The following CSMD1 variants were observed in gnomAD, a reference collection of about 807,000 sequenced individuals.
CSMD1 encodes CUB and sushi domain-containing protein 1.
Under a neutral mutation model 417.5 loss-of-function variants are expected in CSMD1, and 213 were observed. The ratio of observed to expected loss-of-function variants is 0.51; its 90% CI spans 0.46 to 0.57. The LOEUF (loss-of-function observed/expected upper bound fraction) is 0.57. CSMD1 is among the 20% of genes least tolerant of loss of function. The probability of loss-of-function intolerance (pLI) is 0.00; values close to 1 mark genes in which losing one functional copy is unlikely to be tolerated. For missense variants in CSMD1, 6,923 were observed against 4,529.7 expected (o/e 1.53, Z -15.17); for synonymous variants, 2,862 against 1,736.8 (o/e 1.65, Z -16.11).
chr8:4,446,516 C>T (rs1455966075), intron 2 of CSMD1, among the ~76,000 whole-genome samples: 2 of 152,160 alleles, frequency 1.3e-5, no homozygotes, highest in Admixed American at 6.5e-5. Flanking sequence ...CACTGCACTC[C>T]AGCCTGGGCA....
chr8:3,527,221 A>G lies in CSMD1; in HGVS notation c.1345-33495T>C, dbSNP rs143229267. Among the ~76,000 whole-genome samples, 743 of 152,264 alleles carry G rather than the reference A, an allele frequency of 4.9e-3. 5 individuals carry two copies. The highest frequency in any genetic ancestry group is 0.017 in the African/African-American group (709 of 41,542). On this transcript the variant is annotated intron_variant, in intron 10 of 69. Transcript: ENST00000635120. Reference sequence around the variant, plus strand: ...TTATTTTTATTTTCCACTACTCAGAACCAAATGTTAATTGGCTCCTAATTG... The same window carrying G: ...TTATTTTTATTTTCCACTACTCAGAGCCAAATGTTAATTGGCTCCTAATTG...
intron 1 of CSMD1, among the ~76,000 whole-genome samples, chr8:4,910,757 C>G (rs188993059): frequency 1.9e-4 from 29 of 152,258 alleles, no homozygotes; most frequent in Admixed American, 5.9e-4. Context: ...TATATATTGT[C>G]TCACCCCAAC....
chr8:3,619,351 G>T (rs926245439), intron 7 of CSMD1, among the ~76,000 whole-genome samples: 6 of 150,698 alleles, frequency 4.0e-5, no homozygotes, highest in African/African-American at 1.5e-4. Flanking sequence ...CAAACATGGA[G>T]CACGGTAGTT....
intron 11 of CSMD1, among the ~76,000 whole-genome samples, chr8:3,482,201 A>T (rs1283355816): frequency 1.3e-5 from 2 of 152,234 alleles, no homozygotes; most frequent in African/African-American, 4.8e-5. Context: ...CCTTAAATAT[A>T]AATGGTCTAG....
At chr8:3,817,637 A>G (rs1019346652) in intron 5 of CSMD1, among the ~76,000 whole-genome samples, 1 of 152,048 alleles carries the variant, frequency 6.6e-6, no homozygotes, top group African/African-American at 2.4e-5. Context: ...GCATTTTAGG[A>G]AAACACTCCC....
intron 30 of CSMD1, among the ~76,000 whole-genome samples, chr8:3,212,682 T>A (rs577878750): frequency 6.6e-6 from 1 of 152,220 alleles, no homozygotes; most frequent in Non-Finnish European, 1.5e-5. Flanking sequence ...CAGTCTCTAC[T>A]GCTGGGTCCA....
At chr8:4,267,579 T>C (rs921733187) in intron 3 of CSMD1, among the ~76,000 whole-genome samples, 1 of 151,964 alleles carries the variant, frequency 6.6e-6, no homozygotes, top group African/African-American at 2.4e-5. Flanking sequence ...ACACAATAAG[T>C]GACACATTCT....
intron 3 of CSMD1, among the ~76,000 whole-genome samples, chr8:4,357,017 C>T (rs1055355889): frequency 6.6e-6 from 1 of 152,154 alleles, no homozygotes; most frequent in South Asian, 2.1e-4. Context: ...ATTTCAATTG[C>T]TATAAAATTC....
intron 5 of CSMD1, among the ~76,000 whole-genome samples, chr8:3,852,519 A>T (rs1276252406): frequency 6.6e-6 from 1 of 152,210 alleles, no homozygotes; most frequent in Non-Finnish European, 1.5e-5. Flanking sequence ...GATAAATTCC[A>T]GAAAACATAG....
chr8:3,564,985 G>T (rs1473317313), intron 10 of CSMD1, among the ~76,000 whole-genome samples: 1 of 142,288 alleles, frequency 7.0e-6, no homozygotes, highest in African/African-American at 2.7e-5. Flanking sequence ...AAGGAATGCT[G>T]GGCTTAATAC....
intron 5 of CSMD1, among the ~76,000 whole-genome samples, chr8:3,812,506 A>C (rs1429055391): frequency 1.3e-5 from 2 of 152,212 alleles, no homozygotes; most frequent in Non-Finnish European, 2.9e-5. Context: ...CACAACACTG[A>C]AAAACAGTTT....
chr8:3,501,169 C>A (rs984592148), intron 10 of CSMD1, among the ~76,000 whole-genome samples: 7 of 152,150 alleles, frequency 4.6e-5, no homozygotes, highest in Non-Finnish European at 1.0e-4. Flanking sequence ...TCTCCTGATT[C>A]AGTTAAACCA....
chr8:3,983,806 C>G (rs1814093307), intron 5 of CSMD1, among the ~76,000 whole-genome samples: 3 of 152,184 alleles, frequency 2.0e-5, no homozygotes, highest in East Asian at 3.9e-4. Context: ...ATGGGGCTGT[C>G]AAATGCAGCT....
At chr8:4,248,551 C>T (rs558081609) in intron 3 of CSMD1, among the ~76,000 whole-genome samples, 3 of 152,192 alleles carry the variant, frequency 2.0e-5, no homozygotes, top group African/African-American at 7.2e-5. Flanking sequence ...TAGACACATT[C>T]TATTTCTCTT....
intron 1 of CSMD1, among the ~76,000 whole-genome samples, chr8:4,678,363 A>G (rs996585462): frequency 2.0e-4 from 31 of 152,266 alleles, no homozygotes; most frequent in Non-Finnish European, 2.1e-4. Context: ...GTGAGCCAAG[A>G]TCATGTGACT....
intron 2 of CSMD1, among the ~76,000 whole-genome samples, chr8:4,571,629 G>C (rs1034131276): frequency 6.6e-6 from 1 of 152,156 alleles, no homozygotes; most frequent in Non-Finnish European, 1.5e-5. Flanking sequence ...TTAATTTCGG[G>C]TGGACAGTTC....
At chr8:3,641,981 C>T (rs565603118) in intron 7 of CSMD1, among the ~76,000 whole-genome samples, 125 of 152,192 alleles carry the variant, frequency 8.2e-4, no homozygotes, top group Non-Finnish European at 1.5e-3. Context: ...GAGCAGCAAT[C>T]CTAAGAGATT....
chr8:3,267,064 A>G (rs557366540), intron 26 of CSMD1, among the ~76,000 whole-genome samples: 7 of 152,276 alleles, frequency 4.6e-5, no homozygotes, highest in Admixed American at 2.0e-4. Context: ...ATTTACATAC[A>G]AGAAGCAAGA....
chr8:3,249,791 T>A (rs893565980), intron 26 of CSMD1, among the ~76,000 whole-genome samples: 1 of 152,216 alleles, frequency 6.6e-6, no homozygotes, highest in African/African-American at 2.4e-5. Context: ...ATGTCTAAAC[T>A]TCATTAGGGA....
Sources: gnomAD v4.1 joint callset for allele counts (sites outside exome capture counted in the v4.1 genomes callset) on GRCh38, gnomAD v4.1.1 for gene constraint, MANE v1.5 for transcripts, NCBI Gene and HGNC (gene_info 2026-07-23, HGNC 2026-07-21) for gene names.